Variants in DYNC1H1 observed in about 807,000 individuals in gnomAD.
DYNC1H1 encodes dynein cytoplasmic 1 heavy chain 1, also known as cytoplasmic dynein 1 heavy chain 1.
A neutral mutation model predicts 527.1 loss-of-function variants in DYNC1H1; 51 were observed. The ratio of observed to expected loss-of-function variants is 0.10; its 90% CI spans 0.08 to 0.12. The LOEUF is 0.12. Ranked by LOEUF, DYNC1H1 falls within the 10% of genes least tolerant of loss-of-function variation. The probability of loss-of-function intolerance (pLI) is 1.00; values close to 1 mark genes in which losing one functional copy is unlikely to be tolerated. For missense variants in DYNC1H1, 2,771 were observed against 5,971.8 expected (o/e 0.46, Z 17.66); for synonymous variants, 2,189 against 2,278.8 (o/e 0.96, Z 1.12).
chr14:101,978,016 A>T (rs915733699), intron 2 of DYNC1H1, among the ~76,000 whole-genome samples: 3 of 152,054 alleles, frequency 2.0e-5, no homozygotes, highest in Non-Finnish European at 2.9e-5. Context: ...CCTCCTGAAT[A>T]GTTGGGATTA....
At position 102,049,961 on chromosome 14, in the gene DYNC1H1, C is replaced by T; in HGVS notation, c.13684+79C>T. The T allele has an allele frequency of 5.4e-6, 8 of 1,492,836 alleles. No individual in the cohort carries two copies. Among genetic ancestry groups the T allele is most frequent in the East Asian group, 4.4e-5 (1 of 22,874 alleles). The allele number at this position is 1,492,836 out of a possible 1,614,324, so 92.5% of individuals were successfully genotyped here. On this transcript the variant is annotated intron_variant, in intron 76 of 77. Coordinates refer to ENST00000360184, the MANE Select transcript of DYNC1H1 (RefSeq NM_001376.5). The surrounding 1 kb of genome is among the most constrained non-coding windows in gnomAD (Gnocchi z 5.5). ...TGAGACCATTGTTCCCAGATACATG[C>T]ACTTAGGGTGACCGGCTGGCAGTTG...
Position 101,983,174 on chromosome 14 carries a change from C to A in DYNC1H1, c.1117C>A (p.Pro373Thr). 6.2e-7 allele frequency: 1 copy of A among 1,614,016 alleles called. No individual in the cohort carries two copies. The highest frequency in any genetic ancestry group is 8.5e-7 in the Non-Finnish European group (1 of 1,180,002). The stretch of plus-strand genomic sequence containing the variant: ...GAGAAAGATCCGAAACACAAAATAT[C>A]CTATTCAGAGGGCACTGCGTTTGGT... Reference protein sequence around the residue: ...HLRKIRNTKYPIQRALRLVEA... With the variant: ...HLRKIRNTKYTIQRALRLVEA... Residue 373 changes from proline (P) to threonine (T), a missense_variant, in exon 6 of 78, where the codon CCT becomes ACT. Physicochemically the swap from Pro to Thr is conservative, Grantham distance 38. Around this residue, in one of 32 missense-constraint regions of DYNC1H1, gnomAD observed 264 missense variants for 619.4 expected, o/e 0.43. Coordinates refer to ENST00000360184, the MANE Select transcript of DYNC1H1 (RefSeq NM_001376.5). The surrounding 1 kb of genome is among the most constrained non-coding windows in gnomAD (Gnocchi z 5.3).
chr14:101,983,746 T>C lies in DYNC1H1; in HGVS notation c.1461+137T>C, dbSNP rs1350740285. On this transcript the variant is annotated intron_variant, in intron 7 of 77. Transcript: ENST00000360184. This position sits in a 1 kb window ranked among gnomAD's most constrained non-coding sequence, Gnocchi z 5.3. ...AGGCTGGAGTGCAATGGCATGATCT[T>C]GGCTCACTGCAACCTCCGCCTTCTG... is the stretch of plus-strand genomic sequence containing the variant. 8 of 999,590 alleles carry C rather than the reference T, an allele frequency of 8.0e-6. No homozygotes were observed. In the African/African-American group the frequency reaches 1.1e-4, roughly 14 times the overall value. The allele number at this position is 999,590 out of a possible 1,614,324, so 61.9% of individuals were successfully genotyped here. A position where few individuals can be genotyped will look rare whatever the true frequency, so the allele number is the denominator to read the frequency against.
At chr14:102,050,379 CTTCCAGTT>C in intron 77 of DYNC1H1, 48 bp from the exon 78 acceptor site, 1 of 1,614,046 alleles carries the variant, frequency 6.2e-7, no homozygotes, top group Non-Finnish European at 8.5e-7. Context: ...CCCGGGCAGT[CTTCCAGTT>C]TTCTTACTTT....
At chr14:102,025,010 T>G (rs536562069) in intron 43 of DYNC1H1, among the ~76,000 whole-genome samples, 18 of 151,832 alleles carry the variant, frequency 1.2e-4, no homozygotes, top group African/African-American at 4.3e-4. Flanking sequence ...TTACTCTTTA[T>G]AAGGTCTTTT....
rs1198180412 is a variant in DYNC1H1, at chr14:102,016,233, G to A, written c.7474-116G>A. On this transcript the variant is annotated intron_variant, in intron 36 of 77. Coordinates refer to ENST00000360184, the MANE Select transcript of DYNC1H1 (RefSeq NM_001376.5). This position sits in a 1 kb window ranked among gnomAD's most constrained non-coding sequence, Gnocchi z 7.3. ...TGAGGGGCTAGGAAAGGTGCAGTGG[G>A]TGTCTGTGATGCAAGAAGACTGGGA... The A allele has an allele frequency of 6.6e-7, 1 of 1,511,916 alleles. No individual in the cohort carries two copies. Among genetic ancestry groups the A allele is most frequent in the Non-Finnish European group, 9.0e-7 (1 of 1,108,992 alleles). 93.7% of individuals were successfully genotyped at this position (1,511,916 alleles called of 1,614,324 possible). A position where few individuals can be genotyped will look rare whatever the true frequency, so the allele number is the denominator to read the frequency against.
chr14:102,030,060 G>GTGTT, intron 50 of DYNC1H1, 102 bp from the exon 51 acceptor site: 7 of 1,186,910 alleles, frequency 5.9e-6, no homozygotes, highest in Non-Finnish European at 7.7e-6. Flanking sequence ...GAGAGAGAGT[G>GTGTT]TGTGTGTGTG....
intron 69 of DYNC1H1, chr14:102,043,002 C>T: frequency 1.9e-6 from 1 of 516,030 alleles, no homozygotes; most frequent in Non-Finnish European, 3.6e-6. Flanking sequence ...TCTGGGCAGG[C>T]CAGGAGTGGT....
At position 102,048,344 on chromosome 14, in the gene DYNC1H1, C is replaced by T. The variant is rs2048755919; in HGVS notation, c.13219-172C>T. On this transcript the variant is annotated intron_variant, in intron 73 of 77. Coordinates refer to ENST00000360184, the MANE Select transcript of DYNC1H1 (RefSeq NM_001376.5). The stretch of plus-strand genomic sequence containing the variant: ...GGGCCTCAGCGGGTTTCTGAGCAGC[C>T]TCAGCTTCACACAAGCTCGGTTCCA... 1.2e-5 allele frequency: 11 copies of T among 947,384 alleles called. No homozygotes were observed. In the South Asian group the frequency reaches 1.7e-4, roughly 15 times the overall value. 58.7% of individuals were successfully genotyped at this position (947,384 alleles called of 1,614,324 possible).
intron 43 of DYNC1H1, among the ~76,000 whole-genome samples, chr14:102,025,212 C>T (rs1465219787): frequency 2.0e-5 from 3 of 151,832 alleles, no homozygotes; most frequent in African/African-American, 4.8e-5. Flanking sequence ...CAAGACCAGC[C>T]TTACCAACAT....
chr14:101,992,647 A>G (rs547807956), intron 11 of DYNC1H1, among the ~76,000 whole-genome samples: 15 of 152,136 alleles, frequency 9.9e-5, no homozygotes, highest in African/African-American at 3.1e-4. Flanking sequence ...TGCAATCTTC[A>G]TAAGGAAGCT....
At chr14:102,034,563 C>A in intron 56 of DYNC1H1, 111 bp downstream of exon 56, 1 of 1,568,234 alleles carries the variant, frequency 6.4e-7, no homozygotes, top group Non-Finnish European at 8.7e-7. Flanking sequence ...GGGGCGTGGG[C>A]ATACAGTGCT....
rs565171803 is a variant in DYNC1H1 at position 102,054,402 on chromosome 14, G to A, written c.*3839G>A. 6.6e-6 allele frequency: 1 copy of A among 152,284 alleles called. No individual in the cohort carries two copies. The highest frequency in any genetic ancestry group is 1.9e-4 in the East Asian group (1 of 5,174). 9.4% of individuals were successfully genotyped at this position (152,284 alleles called of 1,614,324 possible). On this transcript the variant is annotated 3_prime_UTR_variant, in exon 78 of 78. Coordinates refer to ENST00000360184, the MANE Select transcript of DYNC1H1 (RefSeq NM_001376.5). Reference sequence around the variant, plus strand: ...CCGCCAAGGTGGTTGGCAAGAAGCTGAAATGGGCGTTTAAGTCCGAACCTT... The same window carrying A: ...CCGCCAAGGTGGTTGGCAAGAAGCTAAAATGGGCGTTTAAGTCCGAACCTT...
rs375502020 is a variant in DYNC1H1, at chr14:102,001,405, A to G, written c.4395+51A>G. The G allele has an allele frequency of 1.1e-5, 17 of 1,613,424 alleles. No individual in the cohort carries two copies. The highest frequency in any genetic ancestry group is 1.4e-5 in the Non-Finnish European group (16 of 1,179,560). ...TTTACGTTGTGTTTCGGGCTGTTAC[A>G]TAGATCTGAGCTATGTAAAAATGGA... is the stretch of plus-strand genomic sequence containing the variant. On this transcript the variant is annotated intron_variant, in intron 20 of 77. Transcript: ENST00000360184. The surrounding 1 kb of genome is among the most constrained non-coding windows in gnomAD (Gnocchi z 5.0).
rs561309019 is a variant in DYNC1H1 at position 102,021,191 on chromosome 14, A to G, written c.8507+1135A>G. 9.2e-5 allele frequency among the ~76,000 whole-genome samples: 14 copies of G among 152,276 alleles called. No homozygotes were observed. The South Asian group carries it at 2.9e-3, about 32-fold the overall frequency. On this transcript the variant is annotated intron_variant, in intron 42 of 77. Coordinates refer to ENST00000360184, the MANE Select transcript of DYNC1H1 (RefSeq NM_001376.5). ...CAGGAGTTCAAGGCCAGCCTGACCA[A>G]CATAGTGAGACCCCCATCTCTACAA... is the stretch of plus-strand genomic sequence containing the variant.
Position 102,006,109 on chromosome 14 carries a change from T to G in DYNC1H1, c.5655T>G (p.Thr1885=), listed in dbSNP as rs538791873. The part of the protein sequence containing the change: ...VQDKLVQTPL[T]DRCYLTMTQA... ...ACAAACTGGTCCAGACCCCCCTCAC[T>G]GACCGCTGCTATTTGACAATGACAC... is the stretch of plus-strand genomic sequence containing the variant. Residue 1885 remains threonine (T), a synonymous_variant, in exon 27 of 78, where the codon ACT becomes ACG. Transcript: ENST00000360184. The G allele has an allele frequency of 6.2e-7, 1 of 1,614,210 alleles. No individual in the cohort carries two copies. Among genetic ancestry groups the G allele is most frequent in the Non-Finnish European group, 8.5e-7 (1 of 1,180,030 alleles).
chr14:102,034,504 T>C (rs2048548220), intron 56 of DYNC1H1, 52 bp downstream of exon 56: 2 of 1,611,132 alleles, frequency 1.2e-6, no homozygotes, highest in African/African-American at 1.3e-5. Flanking sequence ...GGTGGTGATC[T>C]TGAATTTTTT....
Position 102,020,204 on chromosome 14 carries a change from C to A in DYNC1H1, c.8507+148C>A. ...GAAGGAGCAGAGTCAGCCAGGGCAG[C>A]CTCCCGTCTGGACACTGGTCACAGT... is the stretch of plus-strand genomic sequence containing the variant. On this transcript the variant is annotated intron_variant, in intron 42 of 77. Coordinates refer to ENST00000360184, the MANE Select transcript of DYNC1H1 (RefSeq NM_001376.5). The surrounding 1 kb of genome is among the most constrained non-coding windows in gnomAD (Gnocchi z 4.3). 8.8e-7 allele frequency: 1 copy of A among 1,131,674 alleles called. No homozygotes were observed. Among genetic ancestry groups the A allele is most frequent in the Non-Finnish European group, 1.3e-6 (1 of 780,144 alleles). The allele number at this position is 1,131,674 out of a possible 1,614,324, so 70.1% of individuals were successfully genotyped here.
chr14:102,051,188 C>G lies in DYNC1H1; in HGVS notation c.*625C>G, dbSNP rs763834279. The G allele has an allele frequency of 5.9e-6, 1 of 170,522 alleles. No homozygotes were observed. The highest frequency in any genetic ancestry group is 1.3e-5 in the Non-Finnish European group (1 of 79,564). 10.6% of individuals were successfully genotyped at this position (170,522 alleles called of 1,614,324 possible). ...GGAGGATCACCCAAGCCCAAGAGGT[C>G]GAGGCTGCAGTGAGCTGTGATCTCA... On this transcript the variant is annotated 3_prime_UTR_variant, in exon 78 of 78. Transcript: ENST00000360184.
Sources: gnomAD v4.1 joint callset for allele counts (sites outside exome capture counted in the v4.1 genomes callset) on GRCh38, gnomAD v4.1.1 for gene constraint, gnomAD v4.1.1 regional missense constraint, Gnocchi (gnomAD v3.1) non-coding constraint, MANE v1.5 for transcripts, NCBI Gene and HGNC (gene_info 2026-07-23, HGNC 2026-07-21) for gene names.